FAT2: variants seen among roughly 807,000 people sequenced by gnomAD.
FAT2 encodes the protein protocadherin Fat 2.
FAT2 carries 150 observed loss-of-function variants against 295.3 expected under a neutral mutation model. The ratio of observed to expected loss-of-function variants is 0.51; its 90% CI spans 0.44 to 0.58. The LOEUF is 0.58. FAT2 is among the 20% of genes least tolerant of loss of function. The probability of loss-of-function intolerance (pLI) is 0.00; values close to 1 mark genes in which losing one functional copy is unlikely to be tolerated. For synonymous variants in FAT2, 2,026 were observed against 2,150.3 expected (o/e 0.94, Z 1.60); for missense variants, 4,868 against 5,442.7 (o/e 0.89, Z 3.32).
Position 151,512,739 on chromosome 5 carries a change from G to T in FAT2, c.11464-133C>A. ...GGGGTGTTTGGCTGTTTTAGACATG[G>T]CATTTGCAGAGCATAAAAACCCTCA... On this transcript the variant is annotated intron_variant, in intron 20 of 23. Coordinates refer to ENST00000261800, the MANE Select transcript of FAT2 (RefSeq NM_001447.3). The surrounding 1 kb of genome is among the most constrained non-coding windows in gnomAD (Gnocchi z 4.1). 1.3e-6 allele frequency: 1 copy of T among 795,244 alleles called. No individual in the cohort carries two copies. The highest frequency in any genetic ancestry group is 1.8e-5 in the South Asian group (1 of 54,384). The allele number at this position is 795,244 out of a possible 1,614,324, so 49.3% of individuals were successfully genotyped here.
rs1322968238 is a variant in FAT2, at chr5:151,545,553, G to A, written c.5574C>T (p.Val1858=). Residue 1858 remains valine, a synonymous_variant, in exon 10 of 24, where the codon GTC becomes GTT. Coordinates refer to ENST00000261800, the MANE Select transcript of FAT2 (RefSeq NM_001447.3). ...PVLFAPRPAQ[V]IIHVRDVNDS... is the part of the protein sequence containing the mutation. ...CATTCACATCTCTGACATGAATGAT[G>A]ACTTGGGCAGGTCTGGGTGCAAATA... 1 of 1,614,010 alleles carries A rather than the reference G, an allele frequency of 6.2e-7. No homozygotes were observed. The highest frequency in any genetic ancestry group is 2.2e-5 in the East Asian group (1 of 44,896).
chr5:151,549,002 T>C (rs1422816008), intron 9 of FAT2, among the ~76,000 whole-genome samples: 2 of 152,226 alleles, frequency 1.3e-5, no homozygotes, highest in Non-Finnish European at 2.9e-5. Flanking sequence ...TTTTAAATGT[T>C]GCATGGACTT....
At chr5:151,559,972 C>T (rs764985486) in intron 3 of FAT2, among the ~76,000 whole-genome samples, 2 of 152,202 alleles carry the variant, frequency 1.3e-5, no homozygotes, top group Non-Finnish European at 2.9e-5. Context: ...GGACTTCACT[C>T]TTACCATTTT....
chr5:151,507,209 A>G lies in FAT2; in HGVS notation c.12462T>C (p.Pro4154=). 3.1e-6 allele frequency: 5 copies of G among 1,611,624 alleles called. No homozygotes were observed. Among genetic ancestry groups the G allele is most frequent in the Non-Finnish European group, 3.4e-6 (4 of 1,178,442 alleles). ...VPPRLPPAAV[P]SHSDNEPVIK... ...TGACAGGCTCATTGTCAGAGTGGGAAGGGACCGCAGCTGGCGGGAGTCTGG... is the reference window on the plus strand; with the variant it reads ...TGACAGGCTCATTGTCAGAGTGGGAGGGGACCGCAGCTGGCGGGAGTCTGG... The change falls in exon 23 of 24, where the codon CCT becomes CCC. Residue 4154 remains proline, a synonymous_variant. Transcript: ENST00000261800.
intron 22 of FAT2, 93 bp downstream of exon 22, chr5:151,509,928 T>A: frequency 7.0e-7 from 1 of 1,432,550 alleles, no homozygotes; most frequent in South Asian, 1.3e-5. Context: ...TGCAGCACTC[T>A]CCCCTGGCCT....
intron 14 of FAT2, among the ~76,000 whole-genome samples, chr5:151,529,811 G>A (rs1754397624): frequency 6.6e-6 from 1 of 151,996 alleles, no homozygotes; most frequent in Non-Finnish European, 1.5e-5. Flanking sequence ...CAGACCTCAG[G>A]GCATAAAATG....
chr5:151,557,956 A>G (rs1414845526), intron 3 of FAT2, among the ~76,000 whole-genome samples: 2 of 152,242 alleles, frequency 1.3e-5, no homozygotes, highest in East Asian at 1.9e-4. Flanking sequence ...CAGGGGACCC[A>G]CTAATCCCCT....
chr5:151,560,781 A>G (rs1391042607), intron 3 of FAT2, among the ~76,000 whole-genome samples: 1 of 152,266 alleles, frequency 6.6e-6, no homozygotes, highest in African/African-American at 2.4e-5. Flanking sequence ...TTAGAAGCCT[A>G]GTAAGGTCAG....
chr5:151,561,384 TTCTC>T (rs1167043893), intron 3 of FAT2, among the ~76,000 whole-genome samples: 2 of 151,796 alleles, frequency 1.3e-5, no homozygotes, highest in Middle Eastern at 3.4e-3. Context: ...GAATCTGACT[TTCTC>T]TCTCTTTTTT....
intron 1 of FAT2, among the ~76,000 whole-genome samples, chr5:151,582,121 T>TG: frequency 6.6e-6 from 1 of 152,024 alleles, no homozygotes; most frequent in Non-Finnish European, 1.5e-5. Flanking sequence ...TGGCTGAACC[T>TG]GACTGCAGAG....
chr5:151,551,909 T>C (rs1757246597), intron 6 of FAT2, among the ~76,000 whole-genome samples: 1 of 152,044 alleles, frequency 6.6e-6, no homozygotes, highest in Non-Finnish European at 1.5e-5. Flanking sequence ...TTTAGTGACA[T>C]GGAAATATGT....
At chr5:151,516,077 G>T (rs934020421) in intron 20 of FAT2, among the ~76,000 whole-genome samples, 1 of 152,080 alleles carries the variant, frequency 6.6e-6, no homozygotes, top group Non-Finnish European at 1.5e-5. Context: ...CTGCCAAAAG[G>T]CTTTCACATT....
Position 151,505,909 on chromosome 5 carries a change from G to T in FAT2, c.12706C>A (p.Arg4236=), listed in dbSNP as rs570779199. The T allele has an allele frequency of 1.2e-5, 19 of 1,590,284 alleles. No homozygotes were observed. The South Asian group carries it at 2.2e-4, about 18-fold the overall frequency. Residue 4236 remains arginine, a synonymous_variant, in exon 24 of 24, where the codon CGG becomes AGG. Coordinates refer to ENST00000261800, the MANE Select transcript of FAT2 (RefSeq NM_001447.3). ...FPFPLEMENK[R]APLPPRYSNQ... The stretch of plus-strand genomic sequence containing the variant: ...CTGTAACGGGGTGGGAGAGGTGCCC[G>T]CTTGTTTTCCATCTCCAGGGGGAAG...
upstream of FAT2, among the ~76,000 whole-genome samples, chr5:151,593,665 G>A (rs761912324): frequency 6.6e-6 from 1 of 152,040 alleles, no homozygotes; most frequent in Non-Finnish European, 1.5e-5. Flanking sequence ...ACTCCCCTTT[G>A]TGAGCACATC....
At chr5:151,573,745 G>GT (rs1561882757) in intron 1 of FAT2, among the ~76,000 whole-genome samples, 1 of 152,200 alleles carries the variant, frequency 6.6e-6, no homozygotes, top group Non-Finnish European at 1.5e-5. Flanking sequence ...ACTTAGTGCT[G>GT]TAGGGCTTTA....
chr5:151,534,044 C>T (rs984235547), intron 13 of FAT2, among the ~76,000 whole-genome samples: 3 of 152,048 alleles, frequency 2.0e-5, no homozygotes, highest in African/African-American at 7.2e-5. Context: ...CCCAAAATTC[C>T]TTTCTTGAGG....
chr5:151,541,781 CT>C (rs1215273068), intron 10 of FAT2, among the ~76,000 whole-genome samples: 5 of 152,212 alleles, frequency 3.3e-5, no homozygotes, highest in Non-Finnish European at 7.3e-5. Context: ...CCATCTGGGC[CT>C]TGGTTTCCAC....
chr5:151,529,234 C>T lies in FAT2; in HGVS notation c.9970G>A (p.Asp3324Asn). 6.2e-7 allele frequency: 1 copy of T among 1,614,100 alleles called. No individual in the cohort carries two copies. Among genetic ancestry groups the T allele is most frequent in the Admixed American group, 1.7e-5 (1 of 60,016 alleles). Reference sequence around the variant, plus strand: ...TCTAAGACCCTTGTGCTATATGGATCTTGGGGGAATTGGGGCCGGTGTTCA... The same window carrying T: ...TCTAAGACCCTTGTGCTATATGGATTTTGGGGGAATTGGGGCCGGTGTTCA... The part of the protein sequence containing the change: ...VNEHRPQFPQ[D>N]PYSTRVLENA... The change falls in exon 15 of 24, where the codon GAT becomes AAT. Residue 3324 changes from aspartate (D) to asparagine (N), a missense_variant. Asp to Asn is a conservative substitution (Grantham distance 23). Transcript: ENST00000261800.
chr5:151,593,277 C>A (rs776720776), upstream of FAT2, among the ~76,000 whole-genome samples: 2 of 152,224 alleles, frequency 1.3e-5, no homozygotes, highest in Non-Finnish European at 2.9e-5. Flanking sequence ...TGATTAGTCA[C>A]GTGCAGAGTA....
Sources: gnomAD v4.1 joint callset for allele counts (sites outside exome capture counted in the v4.1 genomes callset) on GRCh38, gnomAD v4.1.1 for gene constraint, Gnocchi (gnomAD v3.1) non-coding constraint, MANE v1.5 for transcripts, NCBI Gene and HGNC (gene_info 2026-07-23, HGNC 2026-07-21) for gene names.